The following DOCK2 variants were observed in gnomAD, a reference collection of about 807,000 sequenced individuals.
DOCK2 encodes the protein dedicator of cytokinesis protein 2.
In DOCK2, 87 loss-of-function variants were observed where a neutral mutation model predicts 248.9. The observed-to-expected ratio is 0.35, with a 90% CI of 0.29 to 0.42. DOCK2 has a LOEUF of 0.42. Among genes scored for constraint, DOCK2 ranks in the 10% least tolerant of loss-of-function variants. The pLI is 1.00. For missense variants in DOCK2, 1,747 were observed against 2,300.2 expected, an observed-to-expected ratio of 0.76 and a Z score of 4.92; for synonymous variants, 805 against 821.6, an observed-to-expected ratio of 0.98 and a Z score of 0.35.
rs185398571 is a variant in DOCK2 at position 169,817,545 on chromosome 5, C to T, written c.2703+14339C>T. On this transcript the variant is annotated intron_variant, in intron 26 of 51. Transcript: ENST00000520908. ...TCTAGTCCTTCCTAAGCCTCACTCC[C>T]TGGTTAACACTCCTCCCACTGCTAC... is the stretch of plus-strand genomic sequence containing the variant. Among the ~76,000 whole-genome samples the T allele has an allele frequency of 1.4e-3, 215 of 152,344 alleles. 1 individual carries two copies. The highest frequency in any genetic ancestry group is 5.1e-3 in the African/African-American group (211 of 41,582).
intron 27 of DOCK2, among the ~76,000 whole-genome samples, chr5:169,876,567 A>G (rs1039291593): frequency 3.3e-5 from 5 of 152,208 alleles, no homozygotes; most frequent in African/African-American, 9.7e-5. Flanking sequence ...AAGGGTTTCA[A>G]TGTCCTATGA....
At chr5:169,653,335 TG>T (rs1757908634) in intron 1 of DOCK2, among the ~76,000 whole-genome samples, 1 of 152,080 alleles carries the variant, frequency 6.6e-6, no homozygotes. Context: ...CCCAACATTG[TG>T]GGGTGGGTAA....
chr5:169,898,031 G>A (rs1773712178), intron 27 of DOCK2, among the ~76,000 whole-genome samples: 3 of 152,186 alleles, frequency 2.0e-5, no homozygotes, highest in Admixed American at 6.5e-5. Context: ...AAATAATTCG[G>A]CTGAGCAATT....
At chr5:169,714,657 G>A (rs1482860342) in intron 19 of DOCK2, among the ~76,000 whole-genome samples, 200 bp downstream of exon 19, 2 of 152,130 alleles carry the variant, frequency 1.3e-5, no homozygotes, top group African/African-American at 2.4e-5. Flanking sequence ...ACTGAATGTT[G>A]GGTGCCAGAA....
At chr5:169,741,695 C>G (rs1250680122) in intron 22 of DOCK2, among the ~76,000 whole-genome samples, 1 of 152,154 alleles carries the variant, frequency 6.6e-6, no homozygotes, top group Non-Finnish European at 1.5e-5. Flanking sequence ...TCCAACAGTC[C>G]CATAGCGTCA....
At chr5:169,885,258 A>G (rs910985505) in intron 27 of DOCK2, among the ~76,000 whole-genome samples, 1 of 152,220 alleles carries the variant, frequency 6.6e-6, no homozygotes, top group Non-Finnish European at 1.5e-5. Context: ...ACTACCCTGT[A>G]GACTCCGGAG....
intron 2 of DOCK2, among the ~76,000 whole-genome samples, chr5:169,659,915 T>A (rs1326809762): frequency 1.3e-5 from 2 of 152,230 alleles, no homozygotes; most frequent in African/African-American, 4.8e-5. Flanking sequence ...TGATATTTGA[T>A]GACATCAGAA....
At chr5:169,676,247 C>A (rs1165257360) in intron 6 of DOCK2, among the ~76,000 whole-genome samples, 1 of 152,128 alleles carries the variant, frequency 6.6e-6, no homozygotes, top group Non-Finnish European at 1.5e-5. Flanking sequence ...GGCTTCCCTC[C>A]TATTGTGGAA....
At chr5:169,704,759 ATGTGTG>A (rs56289708) in intron 14 of DOCK2, among the ~76,000 whole-genome samples, 10,213 of 139,856 alleles carry the variant, frequency 0.073, 383 homozygotes, top group South Asian at 0.15. Flanking sequence ...CTCCATATAT[ATGTGTG>A]TGTGTGTGTG....
At chr5:169,806,167 A>G (rs12518975) in intron 26 of DOCK2, among the ~76,000 whole-genome samples, 3 of 150,990 alleles carry the variant, frequency 2.0e-5, no homozygotes, top group South Asian at 4.2e-4. Context: ...GTTCTAATAT[A>G]TAGCGGCTCT....
At chr5:169,819,651 T>C (rs763005152) in intron 26 of DOCK2, among the ~76,000 whole-genome samples, 10 of 152,122 alleles carry the variant, frequency 6.6e-5, no homozygotes, top group Non-Finnish European at 1.3e-4. Context: ...GGTTCCAAGA[T>C]AGCCGAATAG....
chr5:169,706,016 A>G (rs1761241783), intron 14 of DOCK2, among the ~76,000 whole-genome samples: 1 of 152,242 alleles, frequency 6.6e-6, no homozygotes, highest in South Asian at 2.1e-4. Flanking sequence ...ATACCAGTGT[A>G]TATTTTCCCT....
intron 41 of DOCK2, among the ~76,000 whole-genome samples, chr5:170,054,341 A>G (rs1757031788): frequency 6.6e-6 from 1 of 152,184 alleles, no homozygotes; most frequent in South Asian, 2.1e-4. Context: ...GGTAAAGAAG[A>G]AATGGGAGGT....
chr5:169,879,576 G>T (rs1029726818), intron 27 of DOCK2, among the ~76,000 whole-genome samples: 4 of 152,216 alleles, frequency 2.6e-5, no homozygotes, highest in African/African-American at 9.6e-5. Context: ...GTGCATGAAG[G>T]TTTGCTAACC....
rs145936316 is a variant in DOCK2 at position 169,796,400 on chromosome 5, A to G, written c.2555-6658A>G. Reference sequence around the variant, plus strand: ...GAGGAGAGGGGTAATGGCATATCCCATGGAAATTGCATTATATCAAAAGGC... The same window carrying G: ...GAGGAGAGGGGTAATGGCATATCCCGTGGAAATTGCATTATATCAAAAGGC... On this transcript the variant is annotated intron_variant, in intron 25 of 51. Transcript: ENST00000520908. Among the ~76,000 whole-genome samples the G allele has an allele frequency of 9.8e-5, 15 of 152,304 alleles. No individual in the cohort carries two copies. In the East Asian group the frequency reaches 2.7e-3, roughly 27 times the overall value.
chr5:170,069,265 C>T (rs772327221), intron 46 of DOCK2, 45 bp downstream of exon 46: 4 of 1,596,110 alleles, frequency 2.5e-6, no homozygotes, highest in East Asian at 2.3e-5. Context: ...TCCTTCCTCT[C>T]CCCCCACCGT....
At chr5:169,994,006 T>C (rs150394145) in intron 29 of DOCK2, among the ~76,000 whole-genome samples, 21 of 152,334 alleles carry the variant, frequency 1.4e-4, no homozygotes, top group Non-Finnish European at 2.5e-4. Flanking sequence ...TGTTTCCTTT[T>C]TTCCCCCCAC....
chr5:169,987,553 C>G (rs1778100105), intron 29 of DOCK2, among the ~76,000 whole-genome samples: 1 of 152,214 alleles, frequency 6.6e-6, no homozygotes, highest in Non-Finnish European at 1.5e-5. Flanking sequence ...CAGGCAACTT[C>G]CCCTTCTGAG....
chr5:169,962,801 C>A (rs1434870113), intron 27 of DOCK2, among the ~76,000 whole-genome samples: 1 of 152,138 alleles, frequency 6.6e-6, no homozygotes, highest in Non-Finnish European at 1.5e-5. Context: ...TGGCAAGTGT[C>A]AAGGTAGACG....
Sources: allele counts gnomAD v4.1 joint callset (sites outside exome capture counted in the v4.1 genomes callset), GRCh38; gene constraint gnomAD v4.1.1; transcripts MANE v1.5; gene names NCBI Gene and HGNC (gene_info 2026-07-23, HGNC 2026-07-21).